Variants in LY75 observed in about 807,000 individuals in gnomAD.
LY75 encodes the protein C-type lectin domain family 13 member B.
A neutral mutation model predicts 231.7 loss-of-function variants in LY75; 185 were observed. The ratio of observed to expected loss-of-function variants is 0.80; its 90% CI spans 0.71 to 0.90. The LOEUF is 0.90. Ranked by LOEUF, LY75 falls within the 40% of genes least tolerant of loss-of-function variation. The pLI is 0.00. For missense variants in LY75, 1,947 were observed against 2,050.2 expected, an observed-to-expected ratio of 0.95 and a Z score of 0.97; for synonymous variants, 668 against 689.0, an observed-to-expected ratio of 0.97 and a Z score of 0.48.
At chr2:159,842,106 A>T in intron 24 of LY75, 139 bp downstream of exon 24, 2 of 1,029,578 alleles carry the variant, frequency 1.9e-6, no homozygotes, top group Non-Finnish European at 2.6e-6. Flanking sequence ...TATTGGACCC[A>T]GGTGGTAAGC....
chr2:159,888,955 A>G (rs1316932903), intron 4 of LY75, among the ~76,000 whole-genome samples: 1 of 152,204 alleles, frequency 6.6e-6, no homozygotes, highest in Admixed American at 6.5e-5. Context: ...TAATGTATAA[A>G]AAGCATTTAG....
At chr2:159,898,604 C>G in intron 2 of LY75, 84 bp downstream of exon 2, 1 of 1,538,418 alleles carries the variant, frequency 6.5e-7, no homozygotes, top group Non-Finnish European at 8.8e-7. Flanking sequence ...ATGTACGACT[C>G]TATTTTTACT....
intron 25 of LY75, among the ~76,000 whole-genome samples, chr2:159,836,800 T>C (rs190038948): frequency 1.3e-5 from 2 of 152,334 alleles, no homozygotes; most frequent in African/African-American, 4.8e-5. Flanking sequence ...CCTTCGGCCA[T>C]GCGACTTTGC....
Position 159,872,560 on chromosome 2 carries a change from T to C in LY75, c.2008A>G (p.Asn670Asp). The change falls in exon 13 of 35, where the codon AAC becomes GAC. Residue 670 changes from asparagine to aspartate, a missense_variant. By Grantham distance (23) the Asn-to-Asp change is conservative. Coordinates refer to ENST00000263636, the MANE Select transcript of LY75 (RefSeq NM_002349.4). ...CAGAATCGTTCAGCTTCTTCCCAGTTCCTCTTTCTTACAATTCTTTCTGCA... is the reference window on the plus strand; with the variant it reads ...CAGAATCGTTCAGCTTCTTCCCAGTCCCTCTTTCTTACAATTCTTTCTGCA... ...FHAERIVRKR[N>D]WEEAERFCQA... The C allele has an allele frequency of 6.2e-7, 1 of 1,613,904 alleles. No individual in the cohort carries two copies. Among genetic ancestry groups the C allele is most frequent in the Non-Finnish European group, 8.5e-7 (1 of 1,179,832 alleles).
chr2:159,878,802 G>T, intron 9 of LY75, 81 bp from the exon 10 acceptor site: 1 of 1,465,152 alleles, frequency 6.8e-7, no homozygotes, highest in Non-Finnish European at 9.4e-7. Flanking sequence ...CTGCTACATT[G>T]ATAACGTCTT....
chr2:159,875,704 G>C, intron 11 of LY75, 61 bp from the exon 12 acceptor site: 7 of 1,591,914 alleles, frequency 4.4e-6, no homozygotes, highest in Non-Finnish European at 6.0e-6. Flanking sequence ...ACATTTTCTA[G>C]TGTTTCTACT....
rs1371244427 is a variant in LY75 at position 159,885,002 on chromosome 2, A to G, written c.1054+151T>C. The G allele has an allele frequency of 4.4e-5, 46 of 1,047,884 alleles. No individual in the cohort carries two copies. In the Admixed American group the frequency reaches 1.1e-3, roughly 25 times the overall value. 64.9% of individuals were successfully genotyped at this position (1,047,884 alleles called of 1,614,324 possible). On this transcript the variant is annotated intron_variant, in intron 6 of 34. Coordinates refer to ENST00000263636, the MANE Select transcript of LY75 (RefSeq NM_002349.4). ...ATTCATATATGGTTGATAATATCTAACCACAGGGTTAAAAATCAAGTACTT... is the reference window on the plus strand; with the variant it reads ...ATTCATATATGGTTGATAATATCTAGCCACAGGGTTAAAAATCAAGTACTT...
intron 26 of LY75, 53 bp from the exon 27 acceptor site, chr2:159,834,264 C>G (rs1006215620): frequency 3.7e-5 from 60 of 1,602,730 alleles, no homozygotes; most frequent in Non-Finnish European, 5.0e-5. Context: ...AATGTTAAAT[C>G]CTGTTTGCAG....
In LY75 at chr2:159,850,831, T is replaced by G. The variant is rs960763274; in HGVS notation, c.2884-364A>C. 8.1e-5 allele frequency among the ~76,000 whole-genome samples: 11 copies of G among 136,126 alleles called. No individual in the cohort carries two copies. The Admixed American group carries it at 8.2e-4, about 10-fold the overall frequency. 89.3% of individuals were successfully genotyped at this position (136,126 alleles called of 152,430 possible). ...TTATATATAAGATATATATTGTATA[T>G]TATATCTTTAATATATATTTTATAT... On this transcript the variant is annotated intron_variant, in intron 21 of 34. Coordinates refer to ENST00000263636, the MANE Select transcript of LY75 (RefSeq NM_002349.4).
At chr2:159,890,481 A>G in intron 3 of LY75, 104 bp from the exon 4 acceptor site, 3 of 1,507,728 alleles carry the variant, frequency 2.0e-6, no homozygotes, top group Non-Finnish European at 1.8e-6. Context: ...CTCTTAGGAT[A>G]TGCCCAAAGG....
At chr2:159,834,279 T>C in intron 26 of LY75, 68 bp from the exon 27 acceptor site, 1 of 1,580,956 alleles carries the variant, frequency 6.3e-7, no homozygotes. Context: ...TTGCAGTCAT[T>C]AGGCTTGATT....
chr2:159,854,411 T>C lies in LY75; in HGVS notation c.2544A>G (p.Ala848=), dbSNP rs2729705. ...TTAGTCCCACAAAAGATGTTATAGT[T>C]GCAAGAAAGCTGTGATTGCTGGCAC... ...LYCASNHSFL[A]TITSFVGLKA... Residue 848 remains alanine, a synonymous_variant, in exon 18 of 35, where the codon GCA becomes GCG. Transcript: ENST00000263636. The C allele has an allele frequency of 0.56, 870,407 of 1,545,810 alleles. 250,693 individuals carry two copies. The highest frequency in any genetic ancestry group is 0.72 in the African/African-American group (53,454 of 73,852).
At chr2:159,871,149 C>G (rs1685002291) in intron 13 of LY75, among the ~76,000 whole-genome samples, 1 of 152,000 alleles carries the variant, frequency 6.6e-6, no homozygotes, top group South Asian at 2.1e-4. Context: ...TAAGAATTTA[C>G]ATATTAGTTA....
chr2:159,829,760 C>T (rs1475656023), intron 28 of LY75, among the ~76,000 whole-genome samples: 1 of 152,108 alleles, frequency 6.6e-6, no homozygotes, highest in African/African-American at 2.4e-5. Flanking sequence ...TTCTATATGT[C>T]CCTCATATGC....
intron 3 of LY75, 96 bp from the exon 4 acceptor site, chr2:159,890,473 C>G: frequency 6.5e-7 from 1 of 1,538,040 alleles, no homozygotes; most frequent in Non-Finnish European, 8.8e-7. Context: ...TTTGCATACT[C>G]TTAGGATATG....
intron 11 of LY75, 127 bp downstream of exon 11, chr2:159,878,197 G>T: frequency 7.9e-7 from 1 of 1,268,026 alleles, no homozygotes; most frequent in South Asian, 1.5e-5. Flanking sequence ...TGGTTCCATA[G>T]ATAGACTCCA....
chr2:159,879,777 G>C (rs1280106411), intron 8 of LY75, among the ~76,000 whole-genome samples: 2 of 152,148 alleles, frequency 1.3e-5, no homozygotes, highest in African/African-American at 2.4e-5. Flanking sequence ...CGTGTAAAAT[G>C]ATGATGGTGG....
chr2:159,869,885 T>C (rs1478186558), intron 13 of LY75, among the ~76,000 whole-genome samples: 3 of 152,084 alleles, frequency 2.0e-5, no homozygotes, highest in Non-Finnish European at 4.4e-5. Flanking sequence ...TATAATCTAT[T>C]CTCAAGGTTG....
chr2:159,847,180 T>A (rs1684227879), intron 23 of LY75, among the ~76,000 whole-genome samples: 1 of 152,034 alleles, frequency 6.6e-6, no homozygotes, highest in South Asian at 2.1e-4. Flanking sequence ...CCCGGTTAAT[T>A]TTTTGTACTT....
Sources: gnomAD v4.1 joint callset for allele counts (sites outside exome capture counted in the v4.1 genomes callset) on GRCh38, gnomAD v4.1.1 for gene constraint, MANE v1.5 for transcripts, NCBI Gene and HGNC (gene_info 2026-07-23, HGNC 2026-07-21) for gene names.